Variants in ATG2B observed in about 807,000 individuals in gnomAD.
ATG2B encodes the protein autophagy related 2B.
A neutral mutation model predicts 241.3 loss-of-function variants in ATG2B; 121 were observed. The observed-to-expected ratio is 0.50, with a 90% CI of 0.43 to 0.58. The LOEUF is 0.58. Ranked by LOEUF, ATG2B falls within the 20% of genes least tolerant of loss-of-function variation. The probability of loss-of-function intolerance (pLI) is 0.00; values close to 1 mark genes in which losing one functional copy is unlikely to be tolerated. For missense variants in ATG2B, 2,306 were observed against 2,491.6 expected, an observed-to-expected ratio of 0.93 and a Z score of 1.59; for synonymous variants, 858 against 876.6, an observed-to-expected ratio of 0.98 and a Z score of 0.37.
rs1886224611 is a variant in ATG2B at position 96,282,478 on chromosome 14, T to C, written c.*3277A>G. 6.6e-6 allele frequency: 1 copy of C among 152,268 alleles called. No individual in the cohort carries two copies. The highest frequency in any genetic ancestry group is 1.5e-5 in the Non-Finnish European group (1 of 68,060). The allele number at this position is 152,268 out of a possible 1,614,324, so 9.4% of individuals were successfully genotyped here. A position where few individuals can be genotyped will look rare whatever the true frequency, so the allele number is the denominator to read the frequency against. On this transcript the variant is annotated 3_prime_UTR_variant, in exon 42 of 42. Transcript: ENST00000359933. ...GTTCTGAGGATGCGGGTGCGAGGAC[T>C]CTGAAGCAAAGCAAAGCAGAGGGAT...
At chr14:96,323,875 C>T (rs974866216) in intron 16 of ATG2B, 21 bp downstream of exon 16, 3 of 1,447,080 alleles carry the variant, frequency 2.1e-6, no homozygotes, top group Non-Finnish European at 2.9e-6. Flanking sequence ...TCCTATTAAA[C>T]CTATGCATTT....
rs1275357284 is a variant in ATG2B, at chr14:96,345,275, G to T, written c.436C>A (p.Pro146Thr). Residue 146 changes from proline (P) to threonine (T), a missense_variant, in exon 3 of 42, where the codon CCT (proline) becomes ACT (threonine). Around this residue, in one of 2 missense-constraint regions of ATG2B, gnomAD observed 1,927 missense variants for 2,011.2 expected, o/e 0.96. Coordinates refer to ENST00000359933, the MANE Select transcript of ATG2B (RefSeq NM_018036.7). The part of the protein sequence containing the change: ...LTDEQGEGSQ[P>T]FEGLEKFAET... ...GCAAACTTTTCAAGTCCTTCAAAAG[G>T]CTGGGATCCTTCTCCTTGTTCATCT... 7 of 1,613,198 alleles carry T rather than the reference G, an allele frequency of 4.3e-6. No homozygotes were observed. The highest frequency in any genetic ancestry group is 5.9e-6 in the Non-Finnish European group (7 of 1,179,526).
chr14:96,322,713 G>A lies in ATG2B; in HGVS notation c.2563C>T (p.Pro855Ser), dbSNP rs764236804. The A allele has an allele frequency of 2.5e-6, 4 of 1,613,086 alleles. No homozygotes were observed. The highest frequency in any genetic ancestry group is 4.5e-5 in the East Asian group (2 of 44,824). ...CTCTCCAAAATGGAATGCATGGCTG[G>A]TGGATTTATTTTCAGTACAATTCTG... ...WPRIVLKINP[P>S]AMHSILERIA... is the part of the protein sequence containing the mutation. The change falls in exon 17 of 42, where the codon CCA becomes TCA. Residue 855 changes from proline to serine, a missense_variant. Physicochemically the swap from Pro to Ser is moderately conservative, Grantham distance 74. This residue lies in a region of ATG2B where 1,927 missense variants were observed against 2,011.2 expected (regional missense o/e 0.96). Coordinates refer to ENST00000359933, the MANE Select transcript of ATG2B (RefSeq NM_018036.7).
chr14:96,331,758 T>C (rs1168813523), intron 10 of ATG2B, 121 bp from the exon 11 acceptor site: 7 of 788,310 alleles, frequency 8.9e-6, no homozygotes, highest in African/African-American at 1.8e-5. Context: ...GTTTGAATGA[T>C]ATTAAACAAT....
intron 21 of ATG2B, among the ~76,000 whole-genome samples, chr14:96,316,123 G>A (rs936536030): frequency 6.6e-6 from 1 of 152,170 alleles, no homozygotes; most frequent in African/African-American, 2.4e-5. Flanking sequence ...AGAAACTTCT[G>A]AATATGCAAA....
intron 23 of ATG2B, among the ~76,000 whole-genome samples, chr14:96,314,539 G>A (rs559523217): frequency 1.3e-4 from 20 of 152,322 alleles, no homozygotes; most frequent in Non-Finnish European, 2.2e-4. Flanking sequence ...CTCTACGCCA[G>A]ACATTCTACA....
chr14:96,341,412 C>T, intron 6 of ATG2B, 110 bp downstream of exon 6: 3 of 803,504 alleles, frequency 3.7e-6, no homozygotes, highest in Non-Finnish European at 5.5e-6. Flanking sequence ...GACAGCAGTA[C>T]ACTAGTTACA....
At chr14:96,288,582 C>A (rs1458115020) in intron 41 of ATG2B, among the ~76,000 whole-genome samples, 1 of 152,050 alleles carries the variant, frequency 6.6e-6, no homozygotes, top group Non-Finnish European at 1.5e-5. Context: ...TTTCTTGGGG[C>A]CCTACCTTCG....
At position 96,311,160 on chromosome 14, in the gene ATG2B, T is replaced by G; in HGVS notation, c.4118A>C (p.Asn1373Thr). The change falls in exon 28 of 42, where the codon AAC becomes ACC. Residue 1373 changes from asparagine to threonine, a missense_variant. Asn to Thr is a moderately conservative substitution (Grantham distance 65). Coordinates refer to ENST00000359933, the MANE Select transcript of ATG2B (RefSeq NM_018036.7). Reference protein sequence around the residue: ...IASYGDLQTPNKADMKPGAFQ... With the variant: ...IASYGDLQTPTKADMKPGAFQ... ...GGCTCCAGGCTTCATATCTGCCTTG[T>G]TAGGTGTCTGCAAGTCACCATAGCT... 1 of 1,613,888 alleles carries G rather than the reference T, an allele frequency of 6.2e-7. No homozygotes were observed. The highest frequency in any genetic ancestry group is 8.5e-7 in the Non-Finnish European group (1 of 1,179,864).
chr14:96,359,998 TG>T lies in ATG2B; in HGVS notation c.162+2816del, dbSNP rs1888581774. Among the ~76,000 whole-genome samples the T allele has an allele frequency of 1.3e-5, 2 of 152,000 alleles. 1 individual carries two copies. Among genetic ancestry groups the T allele is most frequent in the South Asian group, 4.1e-4 (2 of 4,820 alleles). On this transcript the variant is annotated intron_variant, in intron 1 of 41. Transcript: ENST00000359933. ...TTCCACAACAGAGAAGGATTAAGAGTGGTGCCCTCAGTTGGATGTTCCTTCC... is the reference window on the plus strand; with the variant it reads ...TTCCACAACAGAGAAGGATTAAGAGTGTGCCCTCAGTTGGATGTTCCTTCC...
Position 96,312,070 on chromosome 14 carries a change from T to C in ATG2B, c.3913+19A>G, listed in dbSNP as rs546317075. On this transcript the variant is annotated intron_variant, in intron 26 of 41. Transcript: ENST00000359933. ...AATAAAGCAGAATTTATCTACTCCA[T>C]TTGTTTTTTAACTCTTACCTCTACT... is the stretch of plus-strand genomic sequence containing the variant. 3.8e-6 allele frequency: 6 copies of C among 1,583,436 alleles called. No homozygotes were observed. The South Asian group carries it at 5.6e-5, about 15-fold the overall frequency.
chr14:96,332,573 G>A lies in ATG2B; in HGVS notation c.1290C>T (p.Asn430=), dbSNP rs1887768105. ...SSLPPLGDPP[N]MDLELSLTST... is the part of the protein sequence containing the mutation. ...TAGTTAATGATAACTCAAGGTCCAT[G>A]TTTGGGGGGTCCCCAAGGGGTGGAA... Residue 430 remains asparagine (N), a synonymous_variant, in exon 9 of 42, where the codon AAC becomes AAT. Transcript: ENST00000359933. 6.2e-7 allele frequency: 1 copy of A among 1,611,034 alleles called. No homozygotes were observed. Among genetic ancestry groups the A allele is most frequent in the Admixed American group, 1.7e-5 (1 of 59,472 alleles).
chr14:96,362,844 A>G lies in ATG2B; in HGVS notation c.133T>C (p.Ser45Pro), dbSNP rs771659640. 3.1e-6 allele frequency: 5 copies of G among 1,610,494 alleles called. No individual in the cohort carries two copies. The highest frequency in any genetic ancestry group is 4.2e-6 in the Non-Finnish European group (5 of 1,178,120). Residue 45 changes from serine (S) to proline (P), a missense_variant, in exon 1 of 42, where the codon TCC becomes CCC. By Grantham distance (74) the Ser-to-Pro change is moderately conservative. Around this residue, in one of 2 missense-constraint regions of ATG2B, gnomAD observed 1,927 missense variants for 2,011.2 expected, o/e 0.96. Coordinates refer to ENST00000359933, the MANE Select transcript of ATG2B (RefSeq NM_018036.7). ...TTGTCCAAGGGGACCTGGGCGAGGG[A>G]CCCGGTGCCTTGGTACAGGTCCAGG... ...LSLDLYQGTG[S>P]LAQVPLDKWC...
At chr14:96,338,110 TG>T (rs1199039244) in intron 6 of ATG2B, among the ~76,000 whole-genome samples, 4 of 152,170 alleles carry the variant, frequency 2.6e-5, no homozygotes. Context: ...TGTATAGCAC[TG>T]CTACTGATTC....
chr14:96,295,232 A>C, intron 35 of ATG2B, 65 bp from the exon 36 acceptor site: 1 of 1,332,668 alleles, frequency 7.5e-7, no homozygotes, highest in Non-Finnish European at 1.1e-6. Context: ...ATTTAAATCA[A>C]TCTTGATCTA....
rs1888183926 is a variant in ATG2B, at chr14:96,346,944, C to G, written c.325+235G>C. On this transcript the variant is annotated intron_variant, in intron 2 of 41. Coordinates refer to ENST00000359933, the MANE Select transcript of ATG2B (RefSeq NM_018036.7). ...AAGTCTCATTTTAGATAACTGATAA[C>G]AAATAATTAAATAAACCAAACAATC... is the stretch of plus-strand genomic sequence containing the variant. 2.0e-5 allele frequency among the ~76,000 whole-genome samples: 3 copies of G among 151,856 alleles called. No homozygotes were observed. In the South Asian group the frequency reaches 6.3e-4, roughly 32 times the overall value.
intron 29 of ATG2B, 149 bp downstream of exon 29, chr14:96,309,304 C>T (rs1228752011): frequency 1.9e-5 from 19 of 975,074 alleles, no homozygotes; most frequent in Admixed American, 2.5e-5. Context: ...ATTTACTAGA[C>T]ACTGAGTAGA....
chr14:96,312,223 C>A, intron 25 of ATG2B, 64 bp from the exon 26 acceptor site: 1 of 1,089,416 alleles, frequency 9.2e-7, no homozygotes, highest in South Asian at 1.3e-5. Context: ...ACCCCATAAT[C>A]ACTATATGCT....
intron 6 of ATG2B, 74 bp from the exon 7 acceptor site, chr14:96,334,575 T>A: frequency 2.5e-6 from 2 of 816,098 alleles, no homozygotes; most frequent in Non-Finnish European, 3.9e-6. Flanking sequence ...CAGTATATTT[T>A]AATGAACTGA....
Sources: gnomAD v4.1 joint callset for allele counts (sites outside exome capture counted in the v4.1 genomes callset) on GRCh38, gnomAD v4.1.1 for gene constraint, gnomAD v4.1.1 regional missense constraint, MANE v1.5 for transcripts, NCBI Gene and HGNC (gene_info 2026-07-23, HGNC 2026-07-21) for gene names.